The following ZBTB44 variants were observed in gnomAD, a reference collection of about 807,000 sequenced individuals.
ZBTB44 encodes the protein zinc finger and BTB domain-containing protein 44.
ZBTB44 carries 15 observed loss-of-function variants against 54.0 expected under a neutral mutation model. That is an observed-to-expected ratio of 0.28 (90% CI 0.19 to 0.43). ZBTB44 has a LOEUF of 0.43. Ranked by LOEUF, ZBTB44 falls within the 20% of genes least tolerant of loss-of-function variation. The pLI is 1.00. For synonymous variants in ZBTB44, 230 were observed against 250.1 expected (o/e 0.92, Z 0.76); for missense variants, 487 against 707.1 (o/e 0.69, Z 3.53).
At chr11:130,280,532 A>G (rs961754345) in intron 1 of ZBTB44, among the ~76,000 whole-genome samples, 2 of 152,232 alleles carry the variant, frequency 1.3e-5, no homozygotes, top group East Asian at 3.8e-4. Context: ...CAGCCATCAC[A>G]AAACTAGTAG....
chr11:130,300,606 C>G (rs1358009141), intron 1 of ZBTB44, among the ~76,000 whole-genome samples: 2 of 152,072 alleles, frequency 1.3e-5, no homozygotes, highest in African/African-American at 2.4e-5. Context: ...ACAGAATAAC[C>G]AGCATAGTAG....
rs564066422 is a variant in ZBTB44, at chr11:130,229,376, C to T, written c.*2388G>A. 1 of 152,218 alleles carries T rather than the reference C, an allele frequency of 6.6e-6. No homozygotes were observed. Among genetic ancestry groups the T allele is most frequent in the Non-Finnish European group, 1.5e-5 (1 of 67,998 alleles). 9.4% of individuals were successfully genotyped at this position (152,218 alleles called of 1,614,324 possible). On this transcript the variant is annotated 3_prime_UTR_variant, in exon 8 of 8. Coordinates refer to ENST00000357899, the MANE Select transcript of ZBTB44 (RefSeq NM_001301098.2). Reference sequence around the variant, plus strand: ...TATTACAACATCTCAACTTATCTATCGTCTAAAATGAAACATCCAGAGAGC... The same window carrying T: ...TATTACAACATCTCAACTTATCTATTGTCTAAAATGAAACATCCAGAGAGC...
chr11:130,271,390 CAG>C (rs1939658917), intron 1 of ZBTB44, among the ~76,000 whole-genome samples: 1 of 152,144 alleles, frequency 6.6e-6, no homozygotes, highest in South Asian at 2.1e-4. Context: ...ATGTCTCAGG[CAG>C]TAAATGCCTT....
At position 130,261,280 on chromosome 11, in the gene ZBTB44, A is replaced by C. The variant is rs2136435742; in HGVS notation, c.594T>G (p.Cys198Trp). 1 of 1,613,860 alleles carries C rather than the reference A, an allele frequency of 6.2e-7. No homozygotes were observed. Among genetic ancestry groups the C allele is most frequent in the Non-Finnish European group, 8.5e-7 (1 of 1,179,890 alleles). ...IVMSPESPVK[C>W]GTQTSSPQVL... ...CCTGGGGTGAGCTTGTTTGTGTGCCACACTTTACAGGACTTTCAGGAGACA... is the reference window on the plus strand; with the variant it reads ...CCTGGGGTGAGCTTGTTTGTGTGCCCCACTTTACAGGACTTTCAGGAGACA... The change falls in exon 2 of 8, where the codon TGT (cysteine) becomes TGG (tryptophan). Residue 198 changes from cysteine to tryptophan, a missense_variant. This residue lies in a region of ZBTB44 where 277 missense variants were observed against 306.5 expected (regional missense o/e 0.90). Transcript: ENST00000357899. The surrounding 1 kb of genome is among the most constrained non-coding windows in gnomAD (Gnocchi z 4.8).
At chr11:130,241,633 T>C in intron 2 of ZBTB44, among the ~76,000 whole-genome samples, 1 of 152,208 alleles carries the variant, frequency 6.6e-6, no homozygotes, top group Non-Finnish European at 1.5e-5. Flanking sequence ...ACTACAAATA[T>C]CTTTCCCCAT....
chr11:130,236,785 C>T lies in ZBTB44; in HGVS notation c.1568+8G>A, dbSNP rs1954128145. 7 of 1,334,756 alleles carry T rather than the reference C, an allele frequency of 5.2e-6. No homozygotes were observed. Among genetic ancestry groups the T allele is most frequent in the Non-Finnish European group, 5.7e-6 (6 of 1,044,092 alleles). The allele number at this position is 1,334,756 out of a possible 1,614,324, so 82.7% of individuals were successfully genotyped here. A position where few individuals can be genotyped will look rare whatever the true frequency, so the allele number is the denominator to read the frequency against. On this transcript the variant is annotated splice_region_variant and intron_variant, in intron 5 of 7. Transcript: ENST00000357899. The stretch of plus-strand genomic sequence containing the variant: ...TTTTCCTGGTTGGGTTTTCGTTGTG[C>T]ACCTCACCTGCTCTGGAAGTAGTTT...
rs1939335699 is a variant in ZBTB44 at position 130,267,477 on chromosome 11, C to T, written c.-56-5548G>A. On this transcript the variant is annotated intron_variant, in intron 1 of 7. Transcript: ENST00000357899. The stretch of plus-strand genomic sequence containing the variant: ...CTGGAGTACAGTGGCATGATCATGG[C>T]TCACCGTAGCCTTGAAGTCCTAGGG... 3.3e-5 allele frequency among the ~76,000 whole-genome samples: 5 copies of T among 151,966 alleles called. No individual in the cohort carries two copies. In the South Asian group the frequency reaches 1.0e-3, roughly 32 times the overall value.
intron 1 of ZBTB44, among the ~76,000 whole-genome samples, chr11:130,302,215 G>T (rs542677950): frequency 1.3e-5 from 2 of 152,182 alleles, no homozygotes; most frequent in Admixed American, 1.3e-4. Flanking sequence ...ATTTACCAGT[G>T]AGGAAAAGGC....
chr11:130,307,182 T>C (rs954719418), intron 1 of ZBTB44, among the ~76,000 whole-genome samples: 35 of 152,030 alleles, frequency 2.3e-4, no homozygotes. Context: ...CCCAGCACTT[T>C]GGGAGGCCAA....
chr11:130,247,766 T>C (rs74579030), intron 2 of ZBTB44, among the ~76,000 whole-genome samples: 1,968 of 152,312 alleles, frequency 0.013, 47 homozygotes, highest in African/African-American at 0.045. Context: ...ACGTATTTCA[T>C]GATCCCACTG....
chr11:130,247,406 A>G (rs866509628), intron 2 of ZBTB44, among the ~76,000 whole-genome samples: 5 of 152,186 alleles, frequency 3.3e-5, no homozygotes, highest in Admixed American at 6.5e-5. Flanking sequence ...ATTAAGCTCA[A>G]ATAGTTCAAT....
chr11:130,283,454 C>G (rs1940689527), intron 1 of ZBTB44, among the ~76,000 whole-genome samples: 2 of 152,070 alleles, frequency 1.3e-5, no homozygotes, highest in East Asian at 3.8e-4. Context: ...CAGATTTTTA[C>G]AAAACTCAAA....
chr11:130,312,154 T>A (rs561799353), intron 1 of ZBTB44, among the ~76,000 whole-genome samples: 10 of 152,252 alleles, frequency 6.6e-5, no homozygotes, highest in Middle Eastern at 3.4e-3. Context: ...ATGAAGGAAA[T>A]CTCTTCCTTA....
At chr11:130,304,499 A>C (rs1942161470) in intron 1 of ZBTB44, among the ~76,000 whole-genome samples, 1 of 152,208 alleles carries the variant, frequency 6.6e-6, no homozygotes, top group African/African-American at 2.4e-5. Context: ...AAAGACTAGG[A>C]AGAGTTAATA....
At chr11:130,271,238 A>G (rs1939645205) in intron 1 of ZBTB44, among the ~76,000 whole-genome samples, 1 of 152,204 alleles carries the variant, frequency 6.6e-6, no homozygotes, top group South Asian at 2.1e-4. Context: ...CTTGAATTTC[A>G]CATTAAAAGC....
At chr11:130,260,111 C>T (rs915912822) in intron 2 of ZBTB44, among the ~76,000 whole-genome samples, 5 of 152,222 alleles carry the variant, frequency 3.3e-5, no homozygotes, top group African/African-American at 4.8e-5. Context: ...GCAACCCCTA[C>T]TGAAACTAGG....
In ZBTB44 at chr11:130,229,244, T is replaced by TA. The variant is rs1215058726; in HGVS notation, c.*2519_*2520insT. On this transcript the variant is annotated 3_prime_UTR_variant, in exon 8 of 8. Coordinates refer to ENST00000357899, the MANE Select transcript of ZBTB44 (RefSeq NM_001301098.2). The stretch of plus-strand genomic sequence containing the variant: ...ATATAATCACGATAGAGTGGAAATG[T>TA]CTAACTGTATTAGTTTAGTAAAAAG... 1 of 152,180 alleles carries TA rather than the reference T, an allele frequency of 6.6e-6. No homozygotes were observed. The highest frequency in any genetic ancestry group is 1.5e-5 in the Non-Finnish European group (1 of 68,028). The allele number at this position is 152,180 out of a possible 1,614,324, so 9.4% of individuals were successfully genotyped here.
chr11:130,300,661 T>TG (rs2134447123), intron 1 of ZBTB44, among the ~76,000 whole-genome samples: 1 of 152,300 alleles, frequency 6.6e-6, no homozygotes, highest in South Asian at 2.1e-4. Context: ...CAAGGAGTGG[T>TG]GATTGACAGT....
At chr11:130,273,840 A>G (rs1939855508) in intron 1 of ZBTB44, among the ~76,000 whole-genome samples, 1 of 152,112 alleles carries the variant, frequency 6.6e-6, no homozygotes, top group African/African-American at 2.4e-5. Context: ...AGGCTGAGGC[A>G]GGTGGATCAC....
Sources: gnomAD v4.1 joint callset for allele counts (sites outside exome capture counted in the v4.1 genomes callset) on GRCh38, gnomAD v4.1.1 for gene constraint, gnomAD v4.1.1 regional missense constraint, Gnocchi (gnomAD v3.1) non-coding constraint, MANE v1.5 for transcripts, NCBI Gene and HGNC (gene_info 2026-07-23, HGNC 2026-07-21) for gene names.